Variants in CHUK observed in about 807,000 individuals in gnomAD.
CHUK encodes the protein component of inhibitor of nuclear factor kappa B kinase complex.
A neutral mutation model predicts 104.8 loss-of-function variants in CHUK; 35 were observed. That is an observed-to-expected ratio of 0.33 (90% CI 0.26 to 0.44). The LOEUF is 0.44. Among genes scored for constraint, CHUK ranks in the 20% least tolerant of loss-of-function variants. The pLI, the probability that CHUK is intolerant of heterozygous loss-of-function variation, is 1.00. For missense variants in CHUK, 663 were observed against 902.7 expected, an observed-to-expected ratio of 0.73 and a Z score of 3.40; for synonymous variants, 276 against 291.9, an observed-to-expected ratio of 0.95 and a Z score of 0.56.
intron 19 of CHUK, chr10:100,193,002 T>TA (rs1845238803): frequency 2.5e-6 from 1 of 396,288 alleles, no homozygotes; most frequent in African/African-American, 2.0e-5. Context: ...ACTTAGCTAA[T>TA]AATAAGCAAC....
intron 16 of CHUK, among the ~76,000 whole-genome samples, chr10:100,198,917 A>G (rs903831751): frequency 6.6e-6 from 1 of 152,198 alleles, no homozygotes; most frequent in South Asian, 2.1e-4. Context: ...CTAAATGATA[A>G]TATCTTGCAA....
intron 12 of CHUK, 93 bp from the exon 13 acceptor site, chr10:100,204,750 A>T: frequency 9.5e-7 from 1 of 1,054,040 alleles, no homozygotes; most frequent in Non-Finnish European, 1.4e-6. Context: ...AACTGCCACA[A>T]GGCCAAAGCC....
chr10:100,189,412 G>T lies in CHUK; in HGVS notation c.*186C>A, dbSNP rs1589572399. On this transcript the variant is annotated 3_prime_UTR_variant, in exon 21 of 21. Coordinates refer to ENST00000370397, the MANE Select transcript of CHUK (RefSeq NM_001278.5). ...TAAATTCCTGTCTGTTTAGAGGCTT[G>T]AATTACTCAAAACTGTTATACTTGT... 8.5e-6 allele frequency: 5 copies of T among 591,322 alleles called. No homozygotes were observed. The allele number at this position is 591,322 out of a possible 1,614,324, so 36.6% of individuals were successfully genotyped here.
intron 10 of CHUK, 132 bp from the exon 11 acceptor site, chr10:100,207,464 T>G: frequency 1.6e-6 from 1 of 616,476 alleles, no homozygotes; most frequent in Non-Finnish European, 2.9e-6. Flanking sequence ...ACCATATCTC[T>G]TACAGATAAC....
chr10:100,197,316 G>A (rs913101977), intron 16 of CHUK, among the ~76,000 whole-genome samples: 9 of 152,146 alleles, frequency 5.9e-5, no homozygotes, highest in African/African-American at 2.2e-4. Flanking sequence ...GGCACCTCAT[G>A]TTTAAGTCTT....
chr10:100,210,095 T>TTTATTTA (rs1564836587), intron 9 of CHUK, among the ~76,000 whole-genome samples: 57 of 108,608 alleles, frequency 5.2e-4, no homozygotes, highest in East Asian at 1.5e-3. Context: ...TTATTTATTT[T>TTTATTTA]TTTTTTTTTT....
At chr10:100,218,273 C>G in intron 8 of CHUK, 143 bp from the exon 9 acceptor site, 1 of 764,298 alleles carries the variant, frequency 1.3e-6, no homozygotes, top group Non-Finnish European at 2.1e-6. Context: ...CTTTCAAATT[C>G]ATGAAATGAC....
chr10:100,197,018 A>G (rs1487848830), intron 16 of CHUK, among the ~76,000 whole-genome samples: 1 of 152,132 alleles, frequency 6.6e-6, no homozygotes, highest in Non-Finnish European at 1.5e-5. Flanking sequence ...GGCCCTGAGC[A>G]TATGTTCTGA....
intron 16 of CHUK, 70 bp downstream of exon 16, chr10:100,199,901 T>C: frequency 9.2e-7 from 1 of 1,084,194 alleles, no homozygotes; most frequent in Non-Finnish European, 1.4e-6. Context: ...AAATATTAGA[T>C]CCCCCACATT....
In CHUK at chr10:100,225,888, G is replaced by GA. The variant is rs1236872920; in HGVS notation, c.200+34dup. 7 of 1,230,514 alleles carry GA rather than the reference G, an allele frequency of 5.7e-6. No homozygotes were observed. In the African/African-American group the frequency reaches 1.0e-4, roughly 18 times the overall value. The allele number at this position is 1,230,514 out of a possible 1,614,324, so 76.2% of individuals were successfully genotyped here. On this transcript the variant is annotated intron_variant, in intron 2 of 20. Coordinates refer to ENST00000370397, the MANE Select transcript of CHUK (RefSeq NM_001278.5). ...CATGATGACATCTGGTTGGGCTGTA[G>GA]AACCAGGGAAATGTAAGTCAAGGAA...
At chr10:100,199,877 A>T in intron 16 of CHUK, 94 bp downstream of exon 16, 1 of 940,498 alleles carries the variant, frequency 1.1e-6, no homozygotes, top group Non-Finnish European at 1.7e-6. Context: ...GCTTTAAGAA[A>T]ATTTTTAACT....
rs746276049 is a variant in CHUK at position 100,200,760 on chromosome 10, C to T, written c.1590G>A (p.Leu530=). The change falls in exon 15 of 21, where the codon CTG becomes CTA. Residue 530 remains leucine (L), a synonymous_variant. Transcript: ENST00000370397. Reference sequence around the variant, plus strand: ...CATGCAAAGACATAATCTGATCCTCCAGGTATCCAATGACACCAACCTAAA... The same window carrying T: ...CATGCAAAGACATAATCTGATCCTCTAGGTATCCAATGACACCAACCTAAA... ...HYAEVGVIGY[L]EDQIMSLHAE... is the part of the protein sequence containing the mutation. The T allele has an allele frequency of 6.2e-7, 1 of 1,601,508 alleles. No homozygotes were observed. The highest frequency in any genetic ancestry group is 1.1e-5 in the South Asian group (1 of 90,794).
intron 10 of CHUK, among the ~76,000 whole-genome samples, chr10:100,209,194 G>C (rs138245460): frequency 2.4e-3 from 365 of 152,302 alleles, no homozygotes; most frequent in African/African-American, 7.7e-3. Context: ...TAGCTTAGAA[G>C]ATAAATAAAC....
At chr10:100,186,791 G>T (rs1845027032), downstream of CHUK, 1 of 152,214 alleles carries the variant, frequency 6.6e-6, no homozygotes, top group Non-Finnish European at 1.5e-5. Flanking sequence ...GAATACAAGA[G>T]AAATTAAGGA....
intron 4 of CHUK, 66 bp downstream of exon 4, chr10:100,222,046 C>A: frequency 1.2e-6 from 1 of 832,462 alleles, no homozygotes; most frequent in Non-Finnish European, 2.1e-6. Context: ...TCCTGAATTC[C>A]CAAAAAGATC....
chr10:100,224,255 A>G (rs920507137), intron 2 of CHUK, among the ~76,000 whole-genome samples: 15 of 152,204 alleles, frequency 9.9e-5, no homozygotes, highest in Non-Finnish European at 1.2e-4. Context: ...TGAGCATGGA[A>G]GCAGATACTC....
intron 3 of CHUK, among the ~76,000 whole-genome samples, chr10:100,222,442 G>C (rs1187184800): frequency 6.6e-6 from 1 of 152,046 alleles, no homozygotes; most frequent in Non-Finnish European, 1.5e-5. Context: ...ATGGTCATAT[G>C]GGCACATTTA....
intron 16 of CHUK, chr10:100,195,476 T>A (rs1845304620): frequency 6.6e-6 from 1 of 152,198 alleles, no homozygotes; most frequent in African/African-American, 2.4e-5. Context: ...TCCCCACACA[T>A]CTCTGTTGTC....
At chr10:100,225,665 A>C (rs757018450) in intron 2 of CHUK, among the ~76,000 whole-genome samples, 2 of 152,160 alleles carry the variant, frequency 1.3e-5, no homozygotes, top group African/African-American at 2.4e-5. Flanking sequence ...ATTTTTTAGG[A>C]ATCACCGTAC....
Sources: gnomAD v4.1 joint callset for allele counts (sites outside exome capture counted in the v4.1 genomes callset) on GRCh38, gnomAD v4.1.1 for gene constraint, MANE v1.5 for transcripts, NCBI Gene and HGNC (gene_info 2026-07-23, HGNC 2026-07-21) for gene names.